The following ZCCHC7 variants were observed in gnomAD, a reference collection of about 807,000 sequenced individuals.
ZCCHC7 encodes the protein zinc finger CCHC-type containing 7, also known as zinc finger CCHC domain-containing protein 7.
ZCCHC7 carries 35 observed loss-of-function variants against 52.0 expected under a neutral mutation model. The ratio of observed to expected loss-of-function variants is 0.67; its 90% CI spans 0.51 to 0.89. The LOEUF (loss-of-function observed/expected upper bound fraction) is 0.89. Ranked by LOEUF, ZCCHC7 falls within the 40% of genes least tolerant of loss-of-function variation. The pLI is 0.00. For missense variants in ZCCHC7, 574 were observed against 649.1 expected, an observed-to-expected ratio of 0.88 and a Z score of 1.26; for synonymous variants, 217 against 221.5, an observed-to-expected ratio of 0.98 and a Z score of 0.18.
chr9:37,243,286 T>A (rs918533710), intron 2 of ZCCHC7, among the ~76,000 whole-genome samples: 30 of 151,802 alleles, frequency 2.0e-4, no homozygotes, highest in African/African-American at 7.2e-4. Context: ...GAAAACAGAT[T>A]TTAAATATTT....
chr9:37,332,869 T>G (rs2118288036), intron 6 of ZCCHC7, among the ~76,000 whole-genome samples: 1 of 151,792 alleles, frequency 6.6e-6, no homozygotes, highest in South Asian at 2.1e-4. Flanking sequence ...TAACATTTCC[T>G]CAGATATTTA....
intron 2 of ZCCHC7, among the ~76,000 whole-genome samples, chr9:37,256,597 C>T (rs1448168471): frequency 6.6e-6 from 1 of 151,992 alleles, no homozygotes; most frequent in Non-Finnish European, 1.5e-5. Context: ...TTTATTAAGC[C>T]TCAATACTCT....
intron 2 of ZCCHC7, among the ~76,000 whole-genome samples, chr9:37,211,954 G>GAGGCGGAGCTTGC (rs1227103863): frequency 6.9e-6 from 1 of 144,578 alleles, no homozygotes; most frequent in Non-Finnish European, 1.5e-5. Flanking sequence ...CATGAACCCG[G>GAGGCGGAGCTTGC]AGGCGGAGCT....
At chr9:37,328,588 C>T (rs1564257723) in intron 6 of ZCCHC7, among the ~76,000 whole-genome samples, 1 of 151,776 alleles carries the variant, frequency 6.6e-6, no homozygotes, top group Non-Finnish European at 1.5e-5. Flanking sequence ...TTAATTATTA[C>T]AGTTATATAA....
intron 2 of ZCCHC7, among the ~76,000 whole-genome samples, chr9:37,223,390 A>G (rs1311503252): frequency 6.6e-6 from 1 of 152,198 alleles, no homozygotes; most frequent in South Asian, 2.1e-4. Context: ...TAAGCCTGAC[A>G]TAAAGGGACA....
intron 2 of ZCCHC7, among the ~76,000 whole-genome samples, chr9:37,133,627 C>T (rs907427845): frequency 1.4e-4 from 22 of 152,132 alleles, no homozygotes; most frequent in African/African-American, 5.3e-4. Context: ...CTCGCTGTGT[C>T]ACCCAGCCTG....
intron 2 of ZCCHC7, among the ~76,000 whole-genome samples, chr9:37,214,410 TAAG>T (rs1478100553): frequency 6.6e-6 from 1 of 152,098 alleles, no homozygotes; most frequent in African/African-American, 2.4e-5. Context: ...CTATTATACT[TAAG>T]AAACATTTTT....
intron 5 of ZCCHC7, among the ~76,000 whole-genome samples, chr9:37,326,411 T>C (rs775094696): frequency 4.0e-5 from 6 of 151,620 alleles, no homozygotes; most frequent in Non-Finnish European, 7.4e-5. Context: ...TAAGACACTT[T>C]AGTTTCCAGG....
intron 2 of ZCCHC7, among the ~76,000 whole-genome samples, chr9:37,146,860 A>G (rs1410284876): frequency 6.6e-6 from 1 of 151,906 alleles, no homozygotes; most frequent in Non-Finnish European, 1.5e-5. Flanking sequence ...AGATGCTCAT[A>G]TAATTTAAAT....
chr9:37,253,516 A>G (rs934575632), intron 2 of ZCCHC7, among the ~76,000 whole-genome samples: 44 of 152,080 alleles, frequency 2.9e-4, no homozygotes, highest in African/African-American at 1.0e-3. Flanking sequence ...ACTGAAACAC[A>G]TGGTAAACCG....
rs566595382 is a variant in ZCCHC7, at chr9:37,162,601, C to T, written c.610+35659C>T. ...TATTATATATTGATTGTGGTTATCC[C>T]ACAGTTTATCCATTCACTTATTGAT... is the stretch of plus-strand genomic sequence containing the variant. On this transcript the variant is annotated intron_variant, in intron 2 of 8. Coordinates refer to ENST00000336755, the MANE Select transcript of ZCCHC7 (RefSeq NM_032226.3). Among the ~76,000 whole-genome samples, 13 of 152,328 alleles carry T rather than the reference C, an allele frequency of 8.5e-5. No homozygotes were observed. In the East Asian group the frequency reaches 2.5e-3, roughly 29 times the overall value.
At chr9:37,347,286 T>C (rs1362775821) in intron 6 of ZCCHC7, among the ~76,000 whole-genome samples, 1 of 152,210 alleles carries the variant, frequency 6.6e-6, no homozygotes, top group Non-Finnish European at 1.5e-5. Context: ...CCAAATCCCC[T>C]TCCTGGGTAC....
intron 5 of ZCCHC7, among the ~76,000 whole-genome samples, chr9:37,310,718 T>C (rs576277844): frequency 2.0e-5 from 3 of 152,258 alleles, no homozygotes; most frequent in Non-Finnish European, 2.9e-5. Context: ...GCAGATATTA[T>C]AGCTCTAATA....
intron 2 of ZCCHC7, among the ~76,000 whole-genome samples, chr9:37,235,147 T>C (rs1775075615): frequency 6.6e-6 from 1 of 152,192 alleles, no homozygotes; most frequent in African/African-American, 2.4e-5. Flanking sequence ...AAATATACAA[T>C]GTAGTATTAT....
Position 37,136,037 on chromosome 9 carries a change from GTTTT to G in ZCCHC7, c.610+9099_610+9102del, listed in dbSNP as rs145618931. Among the ~76,000 whole-genome samples, 243 of 152,028 alleles carry G rather than the reference GTTTT, an allele frequency of 1.6e-3. 1 individual carries two copies. The highest frequency in any genetic ancestry group is 5.6e-3 in the African/African-American group (233 of 41,448). On this transcript the variant is annotated intron_variant, in intron 2 of 8. Transcript: ENST00000336755. ...GTTTGATCTAGGTCTTTACATATGT[GTTTT>G]TTTGTTTGTTTTTCTTTTCCTGTGT... is the stretch of plus-strand genomic sequence containing the variant.
At chr9:37,274,393 A>G (rs1250233920) in intron 2 of ZCCHC7, among the ~76,000 whole-genome samples, 1 of 130,548 alleles carries the variant, frequency 7.7e-6, no homozygotes, top group Admixed American at 9.4e-5. Context: ...AGGCAGGAGC[A>G]CAGTGGTGTG....
chr9:37,144,887 G>T (rs1843370350), intron 2 of ZCCHC7: 1 of 151,978 alleles, frequency 6.6e-6, no homozygotes, highest in Admixed American at 6.6e-5. Context: ...TTGAAAACAG[G>T]CCTCAGAAGA....
intron 2 of ZCCHC7, among the ~76,000 whole-genome samples, chr9:37,156,822 A>G (rs914703411): frequency 2.0e-5 from 3 of 152,136 alleles, no homozygotes; most frequent in African/African-American, 4.8e-5. Flanking sequence ...GTTAGTTGAT[A>G]TTTATTTACC....
intron 2 of ZCCHC7, chr9:37,160,312 T>C (rs569823315): frequency 2.3e-4 from 35 of 152,160 alleles, no homozygotes; most frequent in African/African-American, 8.4e-4. Flanking sequence ...GAGTTTGAGA[T>C]CAGCCCAGGC....
Sources: allele counts gnomAD v4.1 joint callset (sites outside exome capture counted in the v4.1 genomes callset), GRCh38; gene constraint gnomAD v4.1.1; transcripts MANE v1.5; gene names NCBI Gene and HGNC (gene_info 2026-07-23, HGNC 2026-07-21).